Variants in NLGN1 observed in about 807,000 individuals in gnomAD.
NLGN1 encodes the protein neuroligin 1.
NLGN1 carries 12 observed loss-of-function variants against 65.5 expected under a neutral mutation model. The ratio of observed to expected loss-of-function variants is 0.18; its 90% confidence interval spans 0.12 to 0.30. The LOEUF (loss-of-function observed/expected upper bound fraction) is 0.30, where lower values mean the gene tolerates loss of function less well. NLGN1 is among the 10% of genes least tolerant of loss of function. NLGN1 has a pLI of 1.00. For synonymous variants in NLGN1, 350 were observed against 359.5 expected (o/e 0.97, Z 0.30); for missense variants, 750 against 1,007.1 (o/e 0.74, Z 3.46).
At chr3:173,836,101 A>G (rs534519513) in intron 4 of NLGN1, among the ~76,000 whole-genome samples, 1 of 152,274 alleles carries the variant, frequency 6.6e-6, no homozygotes, top group East Asian at 1.9e-4. Context: ...TGCTAAAAAT[A>G]TAACTTCAAA....
At chr3:173,524,484 C>T (rs73043573) in intron 2 of NLGN1, among the ~76,000 whole-genome samples, 1,557 of 152,118 alleles carry the variant, frequency 0.01, 23 homozygotes, top group African/African-American at 0.035. Context: ...AAGGGTTGTC[C>T]GTGTATACAA....
At chr3:174,194,758 TG>T (rs1733062026) in intron 4 of NLGN1, among the ~76,000 whole-genome samples, 2 of 148,452 alleles carry the variant, frequency 1.3e-5, no homozygotes, top group African/African-American at 4.9e-5. Flanking sequence ...TAAGGAATGT[TG>T]GGATAAAGAA....
chr3:173,788,769 C>T (rs1426879635), intron 3 of NLGN1, among the ~76,000 whole-genome samples: 1 of 140,474 alleles, frequency 7.1e-6, no homozygotes, highest in Non-Finnish European at 1.5e-5. Flanking sequence ...TGTAGTGTGC[C>T]ATGATCACAC....
intron 4 of NLGN1, among the ~76,000 whole-genome samples, chr3:174,125,288 T>A (rs573375971): frequency 6.6e-6 from 1 of 152,272 alleles, no homozygotes; most frequent in South Asian, 2.1e-4. Context: ...ATAGGCCATA[T>A]TGGCTTACAC....
At chr3:174,087,629 A>G (rs1009510563) in intron 4 of NLGN1, among the ~76,000 whole-genome samples, 2 of 152,048 alleles carry the variant, frequency 1.3e-5, no homozygotes, top group Non-Finnish European at 2.9e-5. Flanking sequence ...GCATTTTTTC[A>G]TGACTGTGTA....
intron 4 of NLGN1, among the ~76,000 whole-genome samples, chr3:173,922,010 A>G (rs1197970999): frequency 6.6e-6 from 1 of 152,142 alleles, no homozygotes; most frequent in Non-Finnish European, 1.5e-5. Flanking sequence ...GTGGTGCTAC[A>G]TAATTCCTAA....
At chr3:173,969,782 A>G (rs1715771980) in intron 4 of NLGN1, among the ~76,000 whole-genome samples, 3 of 152,098 alleles carry the variant, frequency 2.0e-5, no homozygotes, top group Admixed American at 1.3e-4. Flanking sequence ...TATTGTCACT[A>G]CTTTCATACA....
chr3:174,290,607 T>C (rs564004920), downstream of NLGN1, among the ~76,000 whole-genome samples: 1 of 151,186 alleles, frequency 6.6e-6, no homozygotes, highest in South Asian at 2.1e-4. Context: ...GATAATGAGT[T>C]TTTTTAAATG....
intron 2 of NLGN1, among the ~76,000 whole-genome samples, chr3:173,468,193 T>G (rs1180239715): frequency 2.6e-5 from 4 of 152,066 alleles, no homozygotes; most frequent in Non-Finnish European, 5.9e-5. Context: ...TAATATTCAA[T>G]GAATAATGAT....
chr3:174,154,750 T>G (rs1725005506), intron 4 of NLGN1, among the ~76,000 whole-genome samples: 1 of 150,918 alleles, frequency 6.6e-6, no homozygotes, highest in South Asian at 2.1e-4. Context: ...TGCATATGTT[T>G]GTATGTATAT....
At chr3:173,586,060 A>G (rs1362339135) in intron 2 of NLGN1, among the ~76,000 whole-genome samples, 12 of 152,198 alleles carry the variant, frequency 7.9e-5, no homozygotes, top group Non-Finnish European at 1.5e-5. Flanking sequence ...GAACTGATTT[A>G]TTTGAGGGAT....
chr3:174,127,610 G>A (rs58423408), intron 4 of NLGN1, among the ~76,000 whole-genome samples: 368 of 152,112 alleles, frequency 2.4e-3, no homozygotes, highest in African/African-American at 7.5e-3. Context: ...CATGCATCCT[G>A]CTGTAGAAAC....
chr3:173,619,185 C>A (rs1753607689), intron 3 of NLGN1, among the ~76,000 whole-genome samples: 1 of 152,040 alleles, frequency 6.6e-6, no homozygotes, highest in Non-Finnish European at 1.5e-5. Context: ...AGAATAGAAA[C>A]CCTCTGTGCA....
At chr3:174,129,366 C>CACAT (rs1194983943) in intron 4 of NLGN1, among the ~76,000 whole-genome samples, 33 of 131,776 alleles carry the variant, frequency 2.5e-4, no homozygotes, top group Non-Finnish European at 1.7e-5. Flanking sequence ...CACACACACA[C>CACAT]ACACACACAC....
chr3:173,464,302 A>T (rs1723909233), intron 2 of NLGN1, among the ~76,000 whole-genome samples: 1 of 152,190 alleles, frequency 6.6e-6, no homozygotes, highest in Admixed American at 6.5e-5. Context: ...GGAATCCCTA[A>T]GTTTTCCCAA....
intron 3 of NLGN1, among the ~76,000 whole-genome samples, chr3:173,763,553 C>A (rs966000144): frequency 6.6e-6 from 1 of 151,828 alleles, no homozygotes; most frequent in Non-Finnish European, 1.5e-5. Context: ...TTAATGTTTC[C>A]TAGACCTGTG....
At chr3:173,485,168 C>T (rs1727974069) in intron 2 of NLGN1, among the ~76,000 whole-genome samples, 1 of 144,038 alleles carries the variant, frequency 6.9e-6, no homozygotes, top group South Asian at 2.4e-4. Context: ...ATTTTTAACT[C>T]TATCAGATCT....
At chr3:173,855,996 C>A (rs770480674) in intron 4 of NLGN1, among the ~76,000 whole-genome samples, 2 of 152,040 alleles carry the variant, frequency 1.3e-5, no homozygotes, top group African/African-American at 2.4e-5. Flanking sequence ...TTTCTGGATT[C>A]TCATCCTCAG....
intron 4 of NLGN1, among the ~76,000 whole-genome samples, chr3:173,889,988 G>GGTGTGT (rs140428383): frequency 1.1e-4 from 16 of 147,736 alleles, no homozygotes; most frequent in Middle Eastern, 3.5e-3. Flanking sequence ...TATGTATGAG[G>GGTGTGT]GTGTGTGTGT....
Sources: gnomAD v4.1 joint callset for allele counts (sites outside exome capture counted in the v4.1 genomes callset) on GRCh38, gnomAD v4.1.1 for gene constraint, MANE v1.5 for transcripts, NCBI Gene and HGNC (gene_info 2026-07-23, HGNC 2026-07-21) for gene names.